The following ZNF560 variants were observed in gnomAD, a reference collection of about 807,000 sequenced individuals.
The protein encoded by ZNF560 is zinc finger protein 560.
Under a neutral mutation model 81.8 loss-of-function variants are expected in ZNF560, and 54 were observed. The observed-to-expected ratio is 0.66, with a 90% CI of 0.53 to 0.83. The LOEUF is 0.83. Among genes scored for constraint, ZNF560 ranks in the 40% least tolerant of loss-of-function variants. The pLI is 0.00. For synonymous variants in ZNF560, 321 were observed against 317.9 expected (o/e 1.01, Z -0.10); for missense variants, 940 against 932.4 (o/e 1.01, Z -0.11).
chr19:9,471,639 G>T (rs1450187283), intron 5 of ZNF560, among the ~76,000 whole-genome samples: 1 of 152,058 alleles, frequency 6.6e-6, no homozygotes, highest in East Asian at 1.9e-4. Context: ...AGAAAAGTAG[G>T]AAAGATCTGG....
upstream of ZNF560, among the ~76,000 whole-genome samples, chr19:9,500,316 C>T (rs927139622): frequency 5.0e-5 from 7 of 139,522 alleles, no homozygotes; most frequent in Admixed American, 7.9e-5. Flanking sequence ...ACCTGGGAGG[C>T]GGAGGTTACG....
the ZNF560 span, among the ~76,000 whole-genome samples, chr19:9,503,879 G>A: frequency 6.6e-6 from 1 of 152,182 alleles, no homozygotes; most frequent in East Asian, 1.9e-4. Flanking sequence ...CATATTAATG[G>A]AGTATAAAGT....
downstream of ZNF560, among the ~76,000 whole-genome samples, chr19:9,463,348 A>G (rs907671912): frequency 2.0e-5 from 3 of 152,222 alleles, no homozygotes; most frequent in African/African-American, 7.2e-5. Context: ...ATACATCACT[A>G]TTAGTCCAAG....
chr19:9,470,012 A>C (rs1391367391), intron 7 of ZNF560: 1 of 429,736 alleles, frequency 2.3e-6, no homozygotes, highest in African/African-American at 2.0e-5. Context: ...TAAAATAGAA[A>C]CTAATGGAAG....
At chr19:9,471,169 C>A in intron 6 of ZNF560, 127 bp downstream of exon 6, 1 of 623,742 alleles carries the variant, frequency 1.6e-6, no homozygotes, top group East Asian at 3.1e-5. Flanking sequence ...GAGCATCTCT[C>A]CAGAGACATT....
Position 9,471,756 on chromosome 19 carries a change from A to G in ZNF560, c.239-378T>C, listed in dbSNP as rs546450607. 2.8e-4 allele frequency among the ~76,000 whole-genome samples: 43 copies of G among 152,372 alleles called. 1 individual carries two copies. The South Asian group carries it at 8.1e-3, about 29-fold the overall frequency. ...AAATTTAAAGAGTATCAAAAATTGA[A>G]TATTTTCTAACTTCTGAGATAAATG... is the stretch of plus-strand genomic sequence containing the variant. On this transcript the variant is annotated intron_variant, in intron 5 of 9. Coordinates refer to ENST00000301480, the MANE Select transcript of ZNF560 (RefSeq NM_152476.3).
At chr19:9,488,675 T>C (rs1486754060) in intron 2 of ZNF560, among the ~76,000 whole-genome samples, 1 of 152,158 alleles carries the variant, frequency 6.6e-6, no homozygotes, top group Non-Finnish European at 1.5e-5. Flanking sequence ...ATGTATGGGA[T>C]GGATTCTAAG....
intron 2 of ZNF560, among the ~76,000 whole-genome samples, chr19:9,493,286 C>T (rs561530519): frequency 7.2e-5 from 11 of 152,166 alleles, no homozygotes; most frequent in Non-Finnish European, 1.2e-4. Context: ...AAATGTTCAT[C>T]GAAAAAGTAA....
intron 2 of ZNF560, among the ~76,000 whole-genome samples, chr19:9,478,661 TTAAAG>T (rs1178832583): frequency 1.1e-4 from 16 of 151,722 alleles, no homozygotes; most frequent in Non-Finnish European, 1.3e-4. Flanking sequence ...AGAGGTTGAG[TTAAAG>T]TATAGTTATT....
At chr19:9,506,236 G>A in the ZNF560 span, among the ~76,000 whole-genome samples, 3 of 151,946 alleles carry the variant, frequency 2.0e-5, no homozygotes, top group African/African-American at 7.3e-5. Flanking sequence ...CAGGTGATCT[G>A]CCTGCCTCAG....
At chr19:9,460,976 A>C in the ZNF560 span, among the ~76,000 whole-genome samples, 1 of 152,298 alleles carries the variant, frequency 6.6e-6, no homozygotes, top group African/African-American at 2.4e-5. Flanking sequence ...CAGATGGTAA[A>C]AATGATAAGA....
downstream of ZNF560, among the ~76,000 whole-genome samples, chr19:9,463,753 G>A (rs1057345276): frequency 5.9e-5 from 9 of 152,216 alleles, no homozygotes; most frequent in African/African-American, 2.2e-4. Flanking sequence ...CACGATCTGA[G>A]CTCACTGCAG....
chr19:9,471,425 A>G, intron 5 of ZNF560, 47 bp from the exon 6 acceptor site: 1 of 1,343,962 alleles, frequency 7.4e-7, no homozygotes, highest in Non-Finnish European at 1.0e-6. Context: ...TTAAAAAAAA[A>G]GGTAAAATGA....
At chr19:9,451,552 C>T in the ZNF560 span, among the ~76,000 whole-genome samples, 1 of 152,136 alleles carries the variant, frequency 6.6e-6, no homozygotes, top group Non-Finnish European at 1.5e-5. Context: ...TGGGTATCAG[C>T]CTTAGCAAAG....
chr19:9,458,847 T>C, the ZNF560 span, among the ~76,000 whole-genome samples: 1 of 152,202 alleles, frequency 6.6e-6, no homozygotes, highest in African/African-American at 2.4e-5. Context: ...TCCTTGAGGA[T>C]TGGAACCTAA....
At position 9,470,451 on chromosome 19, in the gene ZNF560, G is replaced by A; in HGVS notation, c.389C>T (p.Ala130Val). Reference sequence around the variant, plus strand: ...CACATCACTGTACAGGTTTCTCTGAGCTGGGTCCAGTAAAGTCCACTCTTC... The same window carrying A: ...CACATCACTGTACAGGTTTCTCTGAACTGGGTCCAGTAAAGTCCACTCTTC... ...TQEEWTLLDP[A>V]QRNLYSDVML... Residue 130 changes from alanine (A) to valine (V), a missense_variant, in exon 7 of 10, where the codon GCT (alanine) becomes GTT (valine). Physicochemically the swap from Ala to Val is moderately conservative, Grantham distance 64. Transcript: ENST00000301480. 6.2e-7 allele frequency: 1 copy of A among 1,614,110 alleles called. No homozygotes were observed. Among genetic ancestry groups the A allele is most frequent in the Admixed American group, 1.7e-5 (1 of 60,016 alleles).
At chr19:9,473,404 C>A (rs2073152549) in intron 4 of ZNF560, 145 bp from the exon 5 acceptor site, 2 of 566,874 alleles carry the variant, frequency 3.5e-6, no homozygotes, top group South Asian at 2.1e-5. Context: ...TGGTGAAACC[C>A]CCGTCTCTAC....
At chr19:9,500,747 T>G (rs2073626624), upstream of ZNF560, among the ~76,000 whole-genome samples, 1 of 152,070 alleles carries the variant, frequency 6.6e-6, no homozygotes, top group African/African-American at 2.4e-5. Flanking sequence ...GCTAATTTTT[T>G]TGTATTTTTA....
At chr19:9,480,469 A>G (rs1168935822) in intron 2 of ZNF560, among the ~76,000 whole-genome samples, 2 of 148,132 alleles carry the variant, frequency 1.4e-5, no homozygotes, top group Non-Finnish European at 1.5e-5. Context: ...ACACCCTAAC[A>G]CTGCACCTTG....
Sources: allele counts gnomAD v4.1 joint callset (sites outside exome capture counted in the v4.1 genomes callset), GRCh38; gene constraint gnomAD v4.1.1; transcripts MANE v1.5; gene names NCBI Gene and HGNC (gene_info 2026-07-23, HGNC 2026-07-21).